The following PLCG2 variants were observed in gnomAD, a reference collection of about 807,000 sequenced individuals.
The protein encoded by PLCG2 is 1-phosphatidylinositol 4,5-bisphosphate phosphodiesterase gamma-2.
In PLCG2, 69 loss-of-function variants were observed where a neutral mutation model predicts 175.6. The observed-to-expected ratio is 0.39, with a 90% CI of 0.32 to 0.48. The LOEUF (loss-of-function observed/expected upper bound fraction) is 0.48, where lower values mean the gene tolerates loss of function less well. Ranked by LOEUF, PLCG2 falls within the 20% of genes least tolerant of loss-of-function variation. The pLI is 0.91. For synonymous variants in PLCG2, 827 were observed against 624.0 expected (o/e 1.33, Z -4.85); for missense variants, 1,798 against 1,650.9 (o/e 1.09, Z -1.54).
chr16:81,952,696 A>G (rs1911414502), intron 31 of PLCG2, among the ~76,000 whole-genome samples: 1 of 152,224 alleles, frequency 6.6e-6, no homozygotes, highest in African/African-American at 2.4e-5. Context: ...ATGACAGAGA[A>G]GAGATAGCTC....
At chr16:81,871,490 C>T (rs1242829436) in intron 7 of PLCG2, among the ~76,000 whole-genome samples, 1 of 152,104 alleles carries the variant, frequency 6.6e-6, no homozygotes, top group Non-Finnish European at 1.5e-5. Context: ...AGACGTGCGC[C>T]ACCACGCCCA....
At chr16:81,895,354 A>G (rs2143613835) in intron 12 of PLCG2, among the ~76,000 whole-genome samples, 1 of 152,170 alleles carries the variant, frequency 6.6e-6, no homozygotes, top group East Asian at 1.9e-4. Flanking sequence ...AGGTCAGGAG[A>G]TTGAGACCAC....
Position 81,851,426 on chromosome 16 carries a change from C to T in PLCG2, c.194-3018C>T, listed in dbSNP as rs141488164. ...TGTGTAGTTCTACGAAATCTTGTCA[C>T]GTGTAGGTGGGTATGTCTACCACCG... On this transcript the variant is annotated intron_variant, in intron 2 of 32. Coordinates refer to ENST00000564138, the MANE Select transcript of PLCG2 (RefSeq NM_002661.5). Among the ~76,000 whole-genome samples, 27 of 152,278 alleles carry T rather than the reference C, an allele frequency of 1.8e-4. No homozygotes were observed. In the East Asian group the frequency reaches 3.7e-3, roughly 21 times the overall value.
At chr16:81,888,364 C>G (rs2143592464) in intron 9 of PLCG2, among the ~76,000 whole-genome samples, 1 of 149,650 alleles carries the variant, frequency 6.7e-6, no homozygotes, top group Admixed American at 6.9e-5. Flanking sequence ...GCACCTGCCA[C>G]CACGCCAAGC....
intron 2 of PLCG2, among the ~76,000 whole-genome samples, chr16:81,799,958 A>G (rs949017717): frequency 3.3e-5 from 5 of 152,202 alleles, no homozygotes; most frequent in South Asian, 4.1e-4. Context: ...CACATACTCA[A>G]GAGCAAGGGA....
chr16:81,907,891 G>C (rs374738167), intron 16 of PLCG2, 117 bp downstream of exon 16: 3 of 665,326 alleles, frequency 4.5e-6, no homozygotes, highest in Non-Finnish European at 7.9e-6. Context: ...GGGATGCTCC[G>C]CTGAAGAAGC....
chr16:81,891,933 C>T (rs1007572291), intron 11 of PLCG2, among the ~76,000 whole-genome samples: 1 of 152,184 alleles, frequency 6.6e-6, no homozygotes, highest in African/African-American at 2.4e-5. Flanking sequence ...AATTCAGTGA[C>T]TCATTGAATT....
intron 10 of PLCG2, among the ~76,000 whole-genome samples, 183 bp from the exon 11 acceptor site, chr16:81,891,289 G>A (rs925351318): frequency 5.9e-5 from 9 of 152,128 alleles, no homozygotes; most frequent in African/African-American, 1.4e-4. Flanking sequence ...CAAATATGTC[G>A]CTGCAGCCCA....
chr16:81,820,596 C>A (rs1408781921), intron 2 of PLCG2, among the ~76,000 whole-genome samples: 4 of 148,466 alleles, frequency 2.7e-5, no homozygotes, highest in Non-Finnish European at 5.9e-5. Flanking sequence ...ATCAGTTTTC[C>A]CCTCTGTATA....
At chr16:81,895,975 T>C (rs1298149250) in intron 13 of PLCG2, 48 bp downstream of exon 13, 2 of 1,609,546 alleles carry the variant, frequency 1.2e-6, no homozygotes, top group African/African-American at 1.3e-5. Context: ...GGAAGGCAGC[T>C]AGGGTTGGAT....
At chr16:81,947,934 C>A (rs977096475) in intron 31 of PLCG2, among the ~76,000 whole-genome samples, 28 of 152,224 alleles carry the variant, frequency 1.8e-4, no homozygotes, top group African/African-American at 6.3e-4. Context: ...TATGATATTT[C>A]CATAGTCAGA....
chr16:81,835,859 G>C (rs577050351), intron 2 of PLCG2, among the ~76,000 whole-genome samples: 1 of 152,028 alleles, frequency 6.6e-6, no homozygotes, highest in African/African-American at 2.4e-5. Flanking sequence ...GGTGTCCCTT[G>C]GCTGGTGGAT....
At chr16:81,833,061 G>T (rs1414383567) in intron 2 of PLCG2, among the ~76,000 whole-genome samples, 4 of 152,250 alleles carry the variant, frequency 2.6e-5, no homozygotes, top group Non-Finnish European at 5.9e-5. Context: ...CTCTCAGAGA[G>T]GGGGTGTCTT....
chr16:81,835,161 C>G (rs886220452), intron 2 of PLCG2, among the ~76,000 whole-genome samples: 1 of 152,102 alleles, frequency 6.6e-6, no homozygotes, highest in African/African-American at 2.4e-5. Context: ...TGCTTTGAGC[C>G]TTAGAATTTT....
intron 19 of PLCG2, among the ~76,000 whole-genome samples, chr16:81,918,019 G>A (rs189770739): frequency 5.6e-4 from 86 of 152,234 alleles, no homozygotes; most frequent in African/African-American, 1.8e-3. Flanking sequence ...CACCACGCCC[G>A]GCCTTTGTCC....
intron 2 of PLCG2, among the ~76,000 whole-genome samples, chr16:81,841,506 G>T (rs563105191): frequency 5.3e-5 from 8 of 152,212 alleles, no homozygotes; most frequent in African/African-American, 1.9e-4. Flanking sequence ...CTCCCAAGGT[G>T]CTGGGATTAC....
At chr16:81,860,298 A>G (rs1423438633) in intron 5 of PLCG2, among the ~76,000 whole-genome samples, 4 of 151,612 alleles carry the variant, frequency 2.6e-5, no homozygotes, top group Non-Finnish European at 5.9e-5. Flanking sequence ...GTGTTGATGC[A>G]CAGAGCGCTG....
At chr16:81,837,422 C>G (rs997952690) in intron 2 of PLCG2, among the ~76,000 whole-genome samples, 2 of 152,226 alleles carry the variant, frequency 1.3e-5, no homozygotes, top group African/African-American at 2.4e-5. Flanking sequence ...TATCAGGAGG[C>G]TGCATGAACA....
intron 7 of PLCG2, among the ~76,000 whole-genome samples, chr16:81,877,207 C>A (rs528506592): frequency 1.3e-5 from 2 of 152,208 alleles, no homozygotes; most frequent in African/African-American, 4.8e-5. Flanking sequence ...GTAATCCCAG[C>A]ACTTTGGGAG....
Sources: gnomAD v4.1 joint callset for allele counts (sites outside exome capture counted in the v4.1 genomes callset) on GRCh38, gnomAD v4.1.1 for gene constraint, MANE v1.5 for transcripts, NCBI Gene and HGNC (gene_info 2026-07-23, HGNC 2026-07-21) for gene names.